The following WDR86 variants were observed in gnomAD, a reference collection of about 807,000 sequenced individuals.
WDR86 encodes the protein WD repeat-containing protein 86.
WDR86 carries 30 observed loss-of-function variants against 36.5 expected under a neutral mutation model. The ratio of observed to expected loss-of-function variants is 0.82; its 90% CI spans 0.61 to 1.11. The LOEUF (loss-of-function observed/expected upper bound fraction) is 1.11. Ranked by LOEUF, WDR86 falls within the 50% of genes most tolerant of loss-of-function variation. WDR86 has a pLI of 0.00. For missense variants in WDR86, 545 were observed against 561.2 expected (o/e 0.97, Z 0.29); for synonymous variants, 255 against 252.9 (o/e 1.01, Z -0.08).
upstream of WDR86, chr7:151,410,700 C>G (rs1210117209): frequency 6.5e-6 from 1 of 152,774 alleles, no homozygotes; most frequent in Non-Finnish European, 1.5e-5. Context: ...AGGGCAGTTC[C>G]GGCGCCGACT....
At chr7:151,381,080 A>G (rs1255749719), downstream of WDR86, 5 of 1,128,190 alleles carry the variant, frequency 4.4e-6, no homozygotes, top group Admixed American at 4.4e-5. This position sits in a 1 kb window ranked among gnomAD's most constrained non-coding sequence, Gnocchi z 4.8. Flanking sequence ...TCCAAAAAGA[A>G]GCTGAGACTC....
chr7:151,383,342 C>T (rs1320114618), intron 4 of WDR86, among the ~76,000 whole-genome samples: 1 of 152,034 alleles, frequency 6.6e-6, no homozygotes, highest in Admixed American at 6.6e-5. Flanking sequence ...GGTGTGGTGG[C>T]ACACACCTGT....
intron 1 of WDR86, among the ~76,000 whole-genome samples, chr7:151,402,070 A>AAAAAAATATATATATATATATATAT: frequency 2.0e-4 from 10 of 50,500 alleles, no homozygotes; most frequent in Non-Finnish European, 2.7e-4. Flanking sequence ...AAAAAAAAAA[A>AAAAAAATATATATATATATATATAT]ATATATATAT....
intron 4 of WDR86, among the ~76,000 whole-genome samples, chr7:151,383,434 A>T (rs57784990): frequency 0.019 from 2,775 of 147,814 alleles, 92 homozygotes; most frequent in African/African-American, 0.066. Context: ...AGACTGCGCC[A>T]TTTCACTCCA....
Position 151,409,718 on chromosome 7 carries a change from G to A in WDR86, c.-129C>T. 2 of 1,294,482 alleles carry A rather than the reference G, an allele frequency of 1.5e-6. No homozygotes were observed. Among genetic ancestry groups the A allele is most frequent in the Non-Finnish European group, 2.0e-6 (2 of 1,025,192 alleles). 80.2% of individuals were successfully genotyped at this position (1,294,482 alleles called of 1,614,324 possible). A position where few individuals can be genotyped will look rare whatever the true frequency, so the allele number is the denominator to read the frequency against. On this transcript the variant is annotated 5_prime_UTR_variant, in exon 1 of 6. Transcript: ENST00000334493. The surrounding 1 kb of genome is among the most constrained non-coding windows in gnomAD (Gnocchi z 5.2). ...GGGGAACGGGGAGCCCGACTCCTGCGGAGGCACGCGGCGAGGGGAGGGTGA... is the reference window on the plus strand; with the variant it reads ...GGGGAACGGGGAGCCCGACTCCTGCAGAGGCACGCGGCGAGGGGAGGGTGA...
Position 151,396,110 on chromosome 7 carries a change from C to G in WDR86, c.392G>C (p.Arg131Pro). 2.5e-6 allele frequency: 4 copies of G among 1,612,816 alleles called. No homozygotes were observed. In the South Asian group the frequency reaches 3.3e-5, roughly 13 times the overall value. The change falls in exon 3 of 6, where the codon CGG becomes CCG. Residue 131 changes from arginine (R) to proline (P), a missense_variant. By Grantham distance (103) the Arg-to-Pro change is moderately radical (BLOSUM62 -2). Transcript: ENST00000334493. ...VWSVDKGQMS[R>P]EFRGHRNCVL... ...GCAGTTGCGGTGGCCCCGGAACTCC[C>G]GGGACATCTGCCCCTTGTCCACACT...
At chr7:151,396,358 A>G (rs1585027342) in intron 2 of WDR86, among the ~76,000 whole-genome samples, 162 bp from the exon 3 acceptor site, 1 of 151,920 alleles carries the variant, frequency 6.6e-6, no homozygotes, top group Non-Finnish European at 1.5e-5. Context: ...AATCGCCCCC[A>G]CCTCCAGGAA....
rs1800664824 is a variant in WDR86, at chr7:151,405,794, C to G, written c.163+3633G>C. Among the ~76,000 whole-genome samples, 1 of 152,172 alleles carries G rather than the reference C, an allele frequency of 6.6e-6. No homozygotes were observed. Among genetic ancestry groups the G allele is most frequent in the Admixed American group, 6.5e-5 (1 of 15,286 alleles). On this transcript the variant is annotated intron_variant, in intron 1 of 5. Coordinates refer to ENST00000334493, the MANE Select transcript of WDR86 (RefSeq NM_198285.3). The surrounding 1 kb of genome is among the most constrained non-coding windows in gnomAD (Gnocchi z 4.7). ...GCTTCACAGGGAGTCTCCTATGCCA[C>G]CGGCTCCCAGCAAATGGGAATGTGG...
rs1799345171 is a variant in WDR86, at chr7:151,390,495, T to C, written c.727-5272A>G. On this transcript the variant is annotated intron_variant, in intron 3 of 5. Transcript: ENST00000334493. This position sits in a 1 kb window ranked among gnomAD's most constrained non-coding sequence, Gnocchi z 4.5. Reference sequence around the variant, plus strand: ...CTCTACACTCGCCTTAAGAATCATTTCACTTTGGCAGTTCCTCAAAAAGCT... The same window carrying C: ...CTCTACACTCGCCTTAAGAATCATTCCACTTTGGCAGTTCCTCAAAAAGCT... Among the ~76,000 whole-genome samples, 1 of 152,174 alleles carries C rather than the reference T, an allele frequency of 6.6e-6. No individual in the cohort carries two copies. The highest frequency in any genetic ancestry group is 2.4e-5 in the African/African-American group (1 of 41,426).
chr7:151,369,449 T>C, the WDR86 span, among the ~76,000 whole-genome samples: 1 of 152,226 alleles, frequency 6.6e-6, no homozygotes, highest in Non-Finnish European at 1.5e-5. Flanking sequence ...AAAAACAAAA[T>C]TGTTTTTTCA....
chr7:151,380,958 C>T (rs1356374627), downstream of WDR86, among the ~76,000 whole-genome samples: 1 of 152,192 alleles, frequency 6.6e-6, no homozygotes, highest in African/African-American at 2.4e-5. Context: ...GCACCAGTGA[C>T]ACTGGGGGCA....
At chr7:151,379,589 C>T (rs114474246), downstream of WDR86, among the ~76,000 whole-genome samples, 13 of 152,190 alleles carry the variant, frequency 8.5e-5, 1 homozygote, top group East Asian at 9.7e-4. Context: ...GAAACCAGAG[C>T]GAAAATGGAC....
chr7:151,377,069 C>T (rs747335922), downstream of WDR86: 46 of 1,565,408 alleles, frequency 2.9e-5, no homozygotes, highest in Non-Finnish European at 3.8e-5. Flanking sequence ...CCTCAACAGA[C>T]GAAGACATGG....
rs558202649 is a variant in WDR86 at position 151,388,504 on chromosome 7, T to A, written c.727-3281A>T. 1.2e-4 allele frequency among the ~76,000 whole-genome samples: 19 copies of A among 152,050 alleles called. No homozygotes were observed. The South Asian group carries it at 3.9e-3, about 32-fold the overall frequency. On this transcript the variant is annotated intron_variant, in intron 3 of 5. Transcript: ENST00000334493. This position sits in a 1 kb window ranked among gnomAD's most constrained non-coding sequence, Gnocchi z 4.2. ...TGCCCCCTGGCTTTTTGACCTTGGG[T>A]TTGTCGCTTAGAAGCAGGTCCTCAC...
At chr7:151,371,903 C>T (rs1341997982), downstream of WDR86, among the ~76,000 whole-genome samples, 1 of 152,176 alleles carries the variant, frequency 6.6e-6, no homozygotes, top group Non-Finnish European at 1.5e-5. Context: ...AATGGGGTCT[C>T]ACCATGTTGC....
At chr7:151,393,280 G>A (rs981153452) in intron 3 of WDR86, among the ~76,000 whole-genome samples, 1 of 152,198 alleles carries the variant, frequency 6.6e-6, no homozygotes, top group Non-Finnish European at 1.5e-5. Context: ...TGTGGAGTGT[G>A]TGCGCCTATG....
At chr7:151,377,914 A>C (rs1253760848), downstream of WDR86, 1 of 152,214 alleles carries the variant, frequency 6.6e-6, no homozygotes, top group African/African-American at 2.4e-5. Context: ...CATTACAGAA[A>C]TCTTCTATTG....
downstream of WDR86, chr7:151,376,709 G>A (rs1430976583): frequency 1.4e-5 from 23 of 1,608,520 alleles, no homozygotes; most frequent in East Asian, 9.0e-5. Context: ...CCAGCTGGCC[G>A]CCCAGACCCT....
In WDR86 at chr7:151,409,525, C is replaced by A. The variant is rs770864995; in HGVS notation, c.65G>T (p.Ser22Ile). 2.0e-6 allele frequency: 3 copies of A among 1,528,858 alleles called. No homozygotes were observed. Among genetic ancestry groups the A allele is most frequent in the Non-Finnish European group, 2.6e-6 (3 of 1,143,656 alleles). 94.7% of individuals were successfully genotyped at this position (1,528,858 alleles called of 1,614,324 possible). The change falls in exon 1 of 6, where the codon AGC (serine) becomes ATC (isoleucine). Residue 22 changes from serine (S) to isoleucine (I), a missense_variant. Coordinates refer to ENST00000334493, the MANE Select transcript of WDR86 (RefSeq NM_198285.3). The surrounding 1 kb of genome is among the most constrained non-coding windows in gnomAD (Gnocchi z 5.2). ...ADHRGGINWL[S>I]LSPDGQRLLT... ...CAGGCGCTGCCCGTCGGGGCTCAGG[C>A]TCAGCCAGTTGATGCCCCCGCGGTG...
Sources: allele counts gnomAD v4.1 joint callset (sites outside exome capture counted in the v4.1 genomes callset), GRCh38; gene constraint gnomAD v4.1.1; non-coding constraint Gnocchi (gnomAD v3.1); transcripts MANE v1.5; gene names NCBI Gene and HGNC (gene_info 2026-07-23, HGNC 2026-07-21).